Variants in COL4A4 observed in about 807,000 individuals in gnomAD.
COL4A4 encodes the protein collagen alpha-4(IV) chain.
A neutral mutation model predicts 192.9 loss-of-function variants in COL4A4; 105 were observed. The ratio of observed to expected loss-of-function variants is 0.54; its 90% CI spans 0.46 to 0.64. COL4A4 has a LOEUF of 0.64. COL4A4 is among the 30% of genes least tolerant of loss of function. COL4A4 has a pLI of 0.00. For missense variants in COL4A4, 1,967 were observed against 2,169.3 expected, an observed-to-expected ratio of 0.91 and a Z score of 1.85; for synonymous variants, 762 against 769.9, an observed-to-expected ratio of 0.99 and a Z score of 0.17.
chr2:227,084,060 G>A (rs2150545291), intron 22 of COL4A4, among the ~76,000 whole-genome samples: 1 of 152,234 alleles, frequency 6.6e-6, no homozygotes, highest in Non-Finnish European at 1.5e-5. Context: ...CAATGTCTGT[G>A]AACCATCAAA....
intron 25 of COL4A4, 89 bp from the exon 26 acceptor site, chr2:227,062,687 T>G: frequency 1.1e-6 from 1 of 917,212 alleles, no homozygotes; most frequent in Admixed American, 1.9e-5. Context: ...TCAAGATATT[T>G]TTCTGTATAG....
intron 11 of COL4A4, 38 bp from the exon 12 acceptor site, chr2:227,108,660 A>G (rs921696614): frequency 1.9e-6 from 3 of 1,611,222 alleles, no homozygotes; most frequent in Non-Finnish European, 2.5e-6. Context: ...TTGCTTTTGA[A>G]TTTTAAAAAA....
At chr2:227,034,376 A>C (rs1969102311) in intron 37 of COL4A4, among the ~76,000 whole-genome samples, 1 of 152,126 alleles carries the variant, frequency 6.6e-6, no homozygotes, top group Non-Finnish European at 1.5e-5. Flanking sequence ...GAAAGCAGGT[A>C]AGGAATATTT....
chr2:227,001,817 C>A (rs1412958346), downstream of COL4A4, among the ~76,000 whole-genome samples: 4 of 152,048 alleles, frequency 2.6e-5, no homozygotes, highest in Non-Finnish European at 4.4e-5. Flanking sequence ...TAGTTGAGTA[C>A]CCTTATTTCT....
rs186364928 is a variant in COL4A4, at chr2:227,155,241, T to C, written c.-101-7657A>G. ...TTTGAGACTGCTGCAGAGTCCTCAGTTGACACTGGAGTTGAGTTTGTTAGT... is the reference window on the plus strand; with the variant it reads ...TTTGAGACTGCTGCAGAGTCCTCAGCTGACACTGGAGTTGAGTTTGTTAGT... On this transcript the variant is annotated intron_variant, in intron 1 of 47. Coordinates refer to ENST00000396625, the MANE Select transcript of COL4A4 (RefSeq NM_000092.5). 1.3e-4 allele frequency among the ~76,000 whole-genome samples: 20 copies of C among 151,532 alleles called. 1 individual carries two copies. In the East Asian group the frequency reaches 3.7e-3, roughly 28 times the overall value.
intron 9 of COL4A4, 62 bp from the exon 10 acceptor site, chr2:227,109,348 AGT>A: frequency 2.2e-6 from 3 of 1,341,960 alleles, no homozygotes; most frequent in Non-Finnish European, 3.2e-6. Context: ...TCACAGAAAG[AGT>A]TGCGTGTGAT....
At chr2:227,077,452 G>A (rs1485872082) in intron 25 of COL4A4, among the ~76,000 whole-genome samples, 3 of 152,110 alleles carry the variant, frequency 2.0e-5, no homozygotes, top group Non-Finnish European at 1.5e-5. Flanking sequence ...GAGAACACAT[G>A]GACACAGGGA....
chr2:227,124,074 A>G (rs2061952853), intron 4 of COL4A4, among the ~76,000 whole-genome samples: 2 of 152,224 alleles, frequency 1.3e-5, no homozygotes, highest in South Asian at 4.1e-4. Context: ...ATTATTATAA[A>G]TGGATAATTG....
Position 227,059,648 on chromosome 2 carries a change from T to G in COL4A4, c.2165-25A>C, listed in dbSNP as rs1410267681. On this transcript the variant is annotated intron_variant, in intron 27 of 47. Transcript: ENST00000396625. ...CCTATTTAACAACAAAAAAAAATTT[T>G]TAATGATAACATGTGCAAGTATAGA... The G allele has an allele frequency of 1.9e-6, 3 of 1,570,770 alleles. No homozygotes were observed. In the Admixed American group the frequency reaches 5.0e-5, roughly 26 times the overall value.
At chr2:227,000,885 T>G (rs967030815), downstream of COL4A4, among the ~76,000 whole-genome samples, 2 of 152,002 alleles carry the variant, frequency 1.3e-5, no homozygotes, top group African/African-American at 4.8e-5. Context: ...AAAGGGGAGC[T>G]TCCCTGCACA....
rs1466673141 is a variant in COL4A4 at position 227,034,565 on chromosome 2, TAATTA to T, written c.3506-1089_3506-1085del. On this transcript the variant is annotated intron_variant, in intron 37 of 47. Transcript: ENST00000396625. ...TCTTTTTTTTTTTTAATTAATTAAT[TAATTA>T]ATTTATTTATTATACTTTAAGTTTT... Among the ~76,000 whole-genome samples the T allele has an allele frequency of 6.6e-5, 10 of 151,450 alleles. No individual in the cohort carries two copies. In the East Asian group the frequency reaches 9.7e-4, roughly 15 times the overall value.
At chr2:227,095,238 G>T (rs1328803146) in intron 19 of COL4A4, among the ~76,000 whole-genome samples, 1 of 152,044 alleles carries the variant, frequency 6.6e-6, no homozygotes, top group Non-Finnish European at 1.5e-5. Flanking sequence ...ATACTTAGTG[G>T]GTAAAAATAT....
At chr2:227,022,872 C>T (rs1966293171) in intron 43 of COL4A4, among the ~76,000 whole-genome samples, 1 of 152,126 alleles carries the variant, frequency 6.6e-6, no homozygotes, top group African/African-American at 2.4e-5. Flanking sequence ...ATACTGGGGC[C>T]CCATCTAGAC....
intron 25 of COL4A4, among the ~76,000 whole-genome samples, chr2:227,072,106 T>C (rs1473093866): frequency 6.6e-6 from 1 of 151,288 alleles, no homozygotes; most frequent in African/African-American, 2.4e-5. Flanking sequence ...AAAAAGCTAG[T>C]TAAAAAGCCG....
chr2:227,085,964 AT>A (rs915911392), intron 22 of COL4A4, among the ~76,000 whole-genome samples: 3 of 152,174 alleles, frequency 2.0e-5, no homozygotes, highest in Non-Finnish European at 4.4e-5. Flanking sequence ...ACTCAATTGA[AT>A]TCTTACCAAC....
the COL4A4 span, among the ~76,000 whole-genome samples, chr2:226,985,085 A>G: frequency 6.6e-6 from 1 of 152,142 alleles, no homozygotes; most frequent in African/African-American, 2.4e-5. Context: ...TGATTGTCTT[A>G]TTACCATAGA....
chr2:226,972,175 G>A, the COL4A4 span, among the ~76,000 whole-genome samples: 3 of 152,084 alleles, frequency 2.0e-5, no homozygotes, highest in East Asian at 1.9e-4. Context: ...GAGAACATGC[G>A]GTGTTTGGTT....
chr2:227,038,021 T>C (rs1200134256), intron 37 of COL4A4, among the ~76,000 whole-genome samples: 1 of 152,234 alleles, frequency 6.6e-6, no homozygotes, highest in African/African-American at 2.4e-5. Context: ...GTAGGTTGCC[T>C]GTTCACTCTG....
chr2:227,085,364 T>C (rs561173331), intron 22 of COL4A4, among the ~76,000 whole-genome samples: 11 of 152,228 alleles, frequency 7.2e-5, no homozygotes, highest in African/African-American at 2.4e-4. Flanking sequence ...GGAGAAGCCA[T>C]AAACCTCACA....
Sources: gnomAD v4.1 joint callset for allele counts (sites outside exome capture counted in the v4.1 genomes callset) on GRCh38, gnomAD v4.1.1 for gene constraint, MANE v1.5 for transcripts, NCBI Gene and HGNC (gene_info 2026-07-23, HGNC 2026-07-21) for gene names.